FARSB: variants seen among roughly 807,000 people sequenced by gnomAD.
FARSB encodes the protein phenylalanine--tRNA ligase beta subunit.
FARSB carries 40 observed loss-of-function variants against 69.6 expected under a neutral mutation model. The ratio of observed to expected loss-of-function variants is 0.57; its 90% CI spans 0.45 to 0.75. The LOEUF (loss-of-function observed/expected upper bound fraction) is 0.75, where lower values mean the gene tolerates loss of function less well. Among genes scored for constraint, FARSB ranks in the 30% least tolerant of loss-of-function variants. The probability of loss-of-function intolerance (pLI) is 0.00; values close to 1 mark genes in which losing one functional copy is unlikely to be tolerated. For missense variants in FARSB, 632 were observed against 722.9 expected (o/e 0.87, Z 1.44); for synonymous variants, 235 against 247.2 (o/e 0.95, Z 0.46).
chr2:222,582,562 T>C lies in FARSB; in HGVS notation c.1619-10540A>G, dbSNP rs573345978. Reference sequence around the variant, plus strand: ...AATTTTAAGCTGCTTTCAATAATCATATTGTTGATAATAGTATTTTTATTT... The same window carrying C: ...AATTTTAAGCTGCTTTCAATAATCACATTGTTGATAATAGTATTTTTATTT... On this transcript the variant is annotated intron_variant, in intron 16 of 16. Coordinates refer to ENST00000281828, the MANE Select transcript of FARSB (RefSeq NM_005687.5). 5.3e-5 allele frequency among the ~76,000 whole-genome samples: 8 copies of C among 152,332 alleles called. No homozygotes were observed. The South Asian group carries it at 1.4e-3, about 28-fold the overall frequency.
chr2:222,602,818 T>G (rs1690597843), intron 15 of FARSB, among the ~76,000 whole-genome samples: 2 of 152,106 alleles, frequency 1.3e-5, no homozygotes, highest in Non-Finnish European at 2.9e-5. Flanking sequence ...CATCTCTCAT[T>G]AGCACTTTAA....
chr2:222,636,079 C>T (rs970725366), intron 5 of FARSB, among the ~76,000 whole-genome samples: 2 of 83,284 alleles, frequency 2.4e-5, no homozygotes, highest in African/African-American at 8.9e-5. Flanking sequence ...GACTCTGTCT[C>T]AAAAAAAAAA....
intron 14 of FARSB, among the ~76,000 whole-genome samples, chr2:222,618,876 C>A (rs552799062): frequency 6.6e-6 from 1 of 152,310 alleles, no homozygotes; most frequent in African/African-American, 2.4e-5. Context: ...GGTGCTCATG[C>A]CTGTAATCCC....
rs747327064 is a variant in FARSB, at chr2:222,648,721, A to G, written c.114+19T>C. 4 of 1,475,420 alleles carry G rather than the reference A, an allele frequency of 2.7e-6. No individual in the cohort carries two copies. The highest frequency in any genetic ancestry group is 3.8e-6 in the Non-Finnish European group (4 of 1,053,670). The allele number at this position is 1,475,420 out of a possible 1,614,324, so 91.4% of individuals were successfully genotyped here. A position where few individuals can be genotyped will look rare whatever the true frequency, so the allele number is the denominator to read the frequency against. On this transcript the variant is annotated intron_variant, in intron 2 of 16. Transcript: ENST00000281828. ...TATGCACACAATCTTTGAAAAATAGACAAATATCCAATACATACAATTTCA... is the reference window on the plus strand; with the variant it reads ...TATGCACACAATCTTTGAAAAATAGGCAAATATCCAATACATACAATTTCA...
intron 15 of FARSB, among the ~76,000 whole-genome samples, chr2:222,603,698 ATATT>A (rs1690627686): frequency 6.8e-6 from 1 of 147,212 alleles, no homozygotes; most frequent in Non-Finnish European, 1.5e-5. Flanking sequence ...ATTATTATAT[ATATT>A]AGATAATAAT....
At chr2:222,602,727 T>C (rs560612158) in intron 15 of FARSB, among the ~76,000 whole-genome samples, 22 of 152,228 alleles carry the variant, frequency 1.4e-4, no homozygotes, top group African/African-American at 4.1e-4. Flanking sequence ...CACCCATTAA[T>C]GAGAGAAGTG....
At chr2:222,603,279 C>T (rs938979108) in intron 15 of FARSB, among the ~76,000 whole-genome samples, 2 of 152,132 alleles carry the variant, frequency 1.3e-5, no homozygotes, top group African/African-American at 4.8e-5. Flanking sequence ...ACTTCTTCCA[C>T]GGATTTACTC....
chr2:222,648,458 C>T (rs375556829), intron 2 of FARSB, among the ~76,000 whole-genome samples: 1 of 152,262 alleles, frequency 6.6e-6, no homozygotes, highest in South Asian at 2.1e-4. Flanking sequence ...AAGGAGGGAG[C>T]TTACTTTCAT....
chr2:222,611,495 G>A (rs1472357308), intron 15 of FARSB, among the ~76,000 whole-genome samples: 1 of 151,986 alleles, frequency 6.6e-6, no homozygotes, highest in East Asian at 1.9e-4. Flanking sequence ...TGCCCAGGCT[G>A]GAGTGTAGTT....
intron 8 of FARSB, 131 bp downstream of exon 8, chr2:222,631,473 T>C: frequency 1.8e-5 from 12 of 666,360 alleles, no homozygotes; most frequent in Non-Finnish European, 3.0e-5. Flanking sequence ...ATCTTTTTAA[T>C]TGTCTAAATT....
intron 16 of FARSB, among the ~76,000 whole-genome samples, chr2:222,573,223 T>C (rs1689757361): frequency 6.6e-6 from 1 of 152,178 alleles, no homozygotes; most frequent in Non-Finnish European, 1.5e-5. Context: ...TTTATATTTC[T>C]GGGGAAAGAG....
rs775218334 is a variant in FARSB at position 222,637,900 on chromosome 2, T to G, written c.455+1680A>C. Among the ~76,000 whole-genome samples, 102 of 152,116 alleles carry G rather than the reference T, an allele frequency of 6.7e-4. 3 individuals carry two copies. The highest frequency in any genetic ancestry group is 1.5e-4 in the Non-Finnish European group (10 of 68,030). ...TAGGAGGCTGAGGCAGGAGGATCACTTGAGCACAGGAGTTCTGGAGTTACA... is the reference window on the plus strand; with the variant it reads ...TAGGAGGCTGAGGCAGGAGGATCACGTGAGCACAGGAGTTCTGGAGTTACA... On this transcript the variant is annotated intron_variant, in intron 5 of 16. Transcript: ENST00000281828.
chr2:222,628,697 T>A (rs1691337612), intron 10 of FARSB, 140 bp downstream of exon 10: 4 of 561,962 alleles, frequency 7.1e-6, no homozygotes, highest in African/African-American at 1.9e-5. Flanking sequence ...GAAGACTAAA[T>A]CCATGTAATG....
At chr2:222,641,055 G>T in intron 3 of FARSB, 124 bp from the exon 4 acceptor site, 17 of 340,012 alleles carry the variant, frequency 5.0e-5, no homozygotes, top group South Asian at 1.2e-4. Flanking sequence ...GTTACAGCAA[G>T]TCAAATTTTG....
In FARSB at chr2:222,613,912, A is replaced by C. The variant is rs1220207065; in HGVS notation, c.1361T>G (p.Leu454Arg). Residue 454 changes from leucine to arginine, a missense_variant, in exon 15 of 17, where the codon CTT becomes CGT. Physicochemically the swap from Leu to Arg is moderately radical, Grantham distance 102. Transcript: ENST00000281828. ...TAEFQVARTT[L>R]LPGLLKTIAA... Reference sequence around the variant, plus strand: ...TATGGTCTTCAGGAGGCCAGGAAGAAGGGTAGTGCGTGCCACCTACAGGAA... The same window carrying C: ...TATGGTCTTCAGGAGGCCAGGAAGACGGGTAGTGCGTGCCACCTACAGGAA... 3 of 1,612,484 alleles carry C rather than the reference A, an allele frequency of 1.9e-6. No homozygotes were observed. In the South Asian group the frequency reaches 3.3e-5, roughly 18 times the overall value.
intron 16 of FARSB, among the ~76,000 whole-genome samples, chr2:222,597,372 A>G (rs577219361): frequency 1.8e-4 from 28 of 152,280 alleles, no homozygotes; most frequent in African/African-American, 6.7e-4. Flanking sequence ...AACCTGGCCT[A>G]ACAAAATTGA....
At chr2:222,607,932 A>C (rs1477979152) in intron 15 of FARSB, among the ~76,000 whole-genome samples, 1 of 152,104 alleles carries the variant, frequency 6.6e-6, no homozygotes, top group Admixed American at 6.5e-5. Context: ...TTATTTAGTT[A>C]ATGTAAACCT....
chr2:222,578,587 C>T lies in FARSB; in HGVS notation c.1619-6565G>A, dbSNP rs993108312. On this transcript the variant is annotated intron_variant, in intron 16 of 16. Coordinates refer to ENST00000281828, the MANE Select transcript of FARSB (RefSeq NM_005687.5). ...GGGCACGGTGGCTCACGCCTGTAAT[C>T]CCAGCACTTTGGGGGCCAACGCGGG... is the stretch of plus-strand genomic sequence containing the variant. Among the ~76,000 whole-genome samples the T allele has an allele frequency of 7.2e-4, 110 of 152,312 alleles. 1 individual carries two copies. The highest frequency in any genetic ancestry group is 2.5e-3 in the African/African-American group (104 of 41,570).
intron 16 of FARSB, among the ~76,000 whole-genome samples, chr2:222,593,846 T>G (rs6756020): frequency 0.062 from 9,376 of 151,572 alleles, 616 homozygotes; most frequent in African/African-American, 0.17. Context: ...GGTGACAGAG[T>G]GAGACCCTGT....
Sources: gnomAD v4.1 joint callset for allele counts (sites outside exome capture counted in the v4.1 genomes callset) on GRCh38, gnomAD v4.1.1 for gene constraint, MANE v1.5 for transcripts, NCBI Gene and HGNC (gene_info 2026-07-23, HGNC 2026-07-21) for gene names.